The following NDE1 variants were observed in gnomAD, a reference collection of about 807,000 sequenced individuals.
NDE1 encodes nudE neurodevelopment protein 1.
A neutral mutation model predicts 43.4 loss-of-function variants in NDE1; 28 were observed. The observed-to-expected ratio is 0.65, with a 90% CI of 0.48 to 0.89. The LOEUF (loss-of-function observed/expected upper bound fraction) is 0.89. Among genes scored for constraint, NDE1 ranks in the 40% least tolerant of loss-of-function variants. The probability of loss-of-function intolerance (pLI) is 0.00; values close to 1 mark genes in which losing one functional copy is unlikely to be tolerated. For synonymous variants in NDE1, 184 were observed against 172.0 expected (o/e 1.07, Z -0.55); for missense variants, 441 against 434.1 (o/e 1.02, Z -0.14).
Position 15,687,315 on chromosome 16 carries a change from C to T in NDE1, c.387-60C>T, listed in dbSNP as rs116689239. ...TGACCCTTCGCACCTCCTGGATCCG[C>T]GGTGCTGGAGGGATGCTGCGGTTTG... On this transcript the variant is annotated intron_variant, in intron 4 of 8. Coordinates refer to ENST00000396354, the MANE Select transcript of NDE1 (RefSeq NM_017668.3). 9.4e-4 allele frequency: 1,522 copies of T among 1,612,436 alleles called. 14 individuals are homozygous for T. The African/African-American group carries it at 0.017, about 18-fold the overall frequency.
intron 3 of NDE1, among the ~76,000 whole-genome samples, chr16:15,676,612 T>A (rs964544350): frequency 2.0e-5 from 3 of 152,150 alleles, no homozygotes; most frequent in African/African-American, 4.8e-5. Context: ...GCGGACTGTT[T>A]TAAAACCAAG....
rs550611031 is a variant in NDE1 at position 15,694,419 on chromosome 16, C to T, written c.795+163C>T. The T allele has an allele frequency of 2.0e-6, 3 of 1,487,278 alleles. No homozygotes were observed. In the African/African-American group the frequency reaches 4.2e-5, roughly 21 times the overall value. 92.1% of individuals were successfully genotyped at this position (1,487,278 alleles called of 1,614,324 possible). ...GGAGTGTAGTGGTATGATCACAACT[C>T]ACTGCAGCCTCAAAATCCTGGGTTC... is the stretch of plus-strand genomic sequence containing the variant. On this transcript the variant is annotated intron_variant, in intron 7 of 8. Coordinates refer to ENST00000396354, the MANE Select transcript of NDE1 (RefSeq NM_017668.3).
chr16:15,676,992 T>G (rs2037915318), intron 3 of NDE1, among the ~76,000 whole-genome samples: 1 of 152,108 alleles, frequency 6.6e-6, no homozygotes, highest in Non-Finnish European at 1.5e-5. Context: ...TTGGGTAGAA[T>G]GATTTGTCTG....
At chr16:15,645,228 G>A (rs1399157009) in intron 1 of NDE1, among the ~76,000 whole-genome samples, 5 of 151,486 alleles carry the variant, frequency 3.3e-5, no homozygotes, top group African/African-American at 7.3e-5. Context: ...TTCTTTATAT[G>A]TATATTTTTC....
chr16:15,694,602 C>T, intron 7 of NDE1: 1 of 981,916 alleles, frequency 1.0e-6, no homozygotes, highest in Non-Finnish European at 1.2e-6. Context: ...CCCAGGTTGG[C>T]CTCCCAAAGT....
In NDE1 at chr16:15,724,897, C is replaced by A; in HGVS notation, c.*646C>A. 6.2e-7 allele frequency: 1 copy of A among 1,614,120 alleles called. No individual in the cohort carries two copies. Among genetic ancestry groups the A allele is most frequent in the South Asian group, 1.1e-5 (1 of 91,090 alleles). ...GTGGCAGGACACTCACCTGGGTGTC[C>A]TGGAGCTGGGAACTGAGGGACGCCA... is the stretch of plus-strand genomic sequence containing the variant. On this transcript the variant is annotated 3_prime_UTR_variant, in exon 9 of 9. Coordinates refer to ENST00000396354, the MANE Select transcript of NDE1 (RefSeq NM_017668.3).
Position 15,694,205 on chromosome 16 carries a change from G to A in NDE1, c.744G>A (p.Ala248=), listed in dbSNP as rs1123418. 4.1e-4 allele frequency: 668 copies of A among 1,613,350 alleles called. No individual in the cohort carries two copies. The highest frequency in any genetic ancestry group is 5.2e-4 in the Non-Finnish European group (615 of 1,180,026). ...DSTGGTPLTP[A]ARISALNIVG... Reference sequence around the variant, plus strand: ...CCGGGGGGACCCCCCTCACACCTGCGGCCCGGATATCAGCCCTCAACATTG... The same window carrying A: ...CCGGGGGGACCCCCCTCACACCTGCAGCCCGGATATCAGCCCTCAACATTG... Residue 248 remains alanine (A), a synonymous_variant, in exon 7 of 9, where the codon GCG becomes GCA. Transcript: ENST00000396354.
chr16:15,720,847 G>T, intron 8 of NDE1: 1 of 1,613,548 alleles, frequency 6.2e-7, no homozygotes. Flanking sequence ...ACCTGTCTCT[G>T]CAGTTGCCTC....
chr16:15,661,308 C>A (rs2151425209), intron 1 of NDE1, among the ~76,000 whole-genome samples: 1 of 152,180 alleles, frequency 6.6e-6, no homozygotes, highest in Admixed American at 6.6e-5. Context: ...GCTGCCAGGC[C>A]TGGATAATTT....
intron 8 of NDE1, chr16:15,714,808 CTGTGGGCACAAGGGGCATT>C: frequency 2.1e-6 from 3 of 1,410,034 alleles, no homozygotes; most frequent in Non-Finnish European, 3.0e-6. Flanking sequence ...GGAGTGGCGG[CTGTGGGCACAAGGGGCATT>C]TGCAGGCCGA....
intron 8 of NDE1, among the ~76,000 whole-genome samples, chr16:15,705,286 A>C (rs1023478901): frequency 6.6e-6 from 1 of 152,122 alleles, no homozygotes; most frequent in Non-Finnish European, 1.5e-5. Context: ...CTGGCCTCTG[A>C]GGTGGATTTT....
chr16:15,673,690 G>T (rs991213559), intron 3 of NDE1, among the ~76,000 whole-genome samples: 4 of 151,880 alleles, frequency 2.6e-5, no homozygotes, highest in Non-Finnish European at 4.4e-5. Context: ...ATGCCACCAC[G>T]CCTGGCTGTT....
chr16:15,675,002 C>T (rs2037793955), intron 3 of NDE1, among the ~76,000 whole-genome samples: 1 of 152,034 alleles, frequency 6.6e-6, no homozygotes, highest in African/African-American at 2.4e-5. Context: ...GTCCATGTGG[C>T]TTTCTTTGGT....
At chr16:15,686,070 C>T (rs575481641) in intron 4 of NDE1, among the ~76,000 whole-genome samples, 2 of 151,886 alleles carry the variant, frequency 1.3e-5, no homozygotes, top group Non-Finnish European at 1.5e-5. Flanking sequence ...TCCTGTCTCA[C>T]CCTCCCGAGC....
At chr16:15,657,363 T>C (rs1241207011) in intron 1 of NDE1, among the ~76,000 whole-genome samples, 1 of 151,868 alleles carries the variant, frequency 6.6e-6, no homozygotes, top group Non-Finnish European at 1.5e-5. Flanking sequence ...CTTCCCAAAG[T>C]GTTGGGATTA....
chr16:15,662,563 A>G (rs539897935), intron 1 of NDE1, among the ~76,000 whole-genome samples: 56 of 151,940 alleles, frequency 3.7e-4, no homozygotes, highest in African/African-American at 1.3e-3. Flanking sequence ...GATTACAGGC[A>G]TGAGCCACCG....
At chr16:15,668,187 C>T (rs2037413374) in intron 3 of NDE1, among the ~76,000 whole-genome samples, 1 of 152,080 alleles carries the variant, frequency 6.6e-6, no homozygotes. Context: ...CATGATGAAA[C>T]CCTGTCTCTA....
chr16:15,683,214 ATCTCTT>A (rs1486638584), intron 4 of NDE1: 1 of 152,092 alleles, frequency 6.6e-6, no homozygotes, highest in Non-Finnish European at 1.5e-5. Context: ...TAACCAGTAT[ATCTCTT>A]TATATTTACT....
chr16:15,643,702 A>G (rs888335379), exon 1 of NDE1: 2 of 223,852 alleles, frequency 8.9e-6, no homozygotes, highest in Admixed American at 6.4e-5. Flanking sequence ...AATAACTGCC[A>G]ACCTGGCTTC....
Sources: allele counts gnomAD v4.1 joint callset (sites outside exome capture counted in the v4.1 genomes callset), GRCh38; gene constraint gnomAD v4.1.1; transcripts MANE v1.5; gene names NCBI Gene and HGNC (gene_info 2026-07-23, HGNC 2026-07-21).